RPH3A: variants seen among roughly 807,000 people sequenced by gnomAD.
The protein encoded by RPH3A is rabphilin-3A.
In RPH3A, 48 loss-of-function variants were observed where a neutral mutation model predicts 102.2. That is an observed-to-expected ratio of 0.47 (90% CI 0.37 to 0.60). The LOEUF is 0.60. Among genes scored for constraint, RPH3A ranks in the 20% least tolerant of loss-of-function variants. The pLI is 0.00. For missense variants in RPH3A, 781 were observed against 910.1 expected, an observed-to-expected ratio of 0.86 and a Z score of 1.83; for synonymous variants, 310 against 324.3, an observed-to-expected ratio of 0.96 and a Z score of 0.47.
intron 8 of RPH3A, 60 bp downstream of exon 8, chr12:112,868,655 C>T: frequency 6.5e-7 from 1 of 1,547,870 alleles, no homozygotes; most frequent in East Asian, 2.3e-5. Flanking sequence ...ACTGGTCTAC[C>T]TGAGGGATGG....
At position 112,829,654 on chromosome 12, in the gene RPH3A, A is replaced by G. The variant is rs1399775758; in HGVS notation, c.71+1265A>G. ...TGGTCATTTGAGCACCACTTTTACT[A>G]TTTTTACCTTATCTATGAAATAACA... On this transcript the variant is annotated intron_variant, in intron 3 of 21. Transcript: ENST00000389385. Among the ~76,000 whole-genome samples, 3 of 152,040 alleles carry G rather than the reference A, an allele frequency of 2.0e-5. No homozygotes were observed. The East Asian group carries it at 5.8e-4, about 29-fold the overall frequency.
chr12:112,783,880 C>G (rs185144913), intron 1 of RPH3A, among the ~76,000 whole-genome samples: 1 of 152,272 alleles, frequency 6.6e-6, no homozygotes, highest in East Asian at 1.9e-4. Flanking sequence ...TTTATACTAG[C>G]TTATTTCTAG....
chr12:112,864,863 C>A (rs904271399), intron 5 of RPH3A, among the ~76,000 whole-genome samples: 2 of 152,036 alleles, frequency 1.3e-5, no homozygotes, highest in Non-Finnish European at 2.9e-5. Context: ...CCAAAGAATT[C>A]GGTTGGGTCA....
intron 1 of RPH3A, among the ~76,000 whole-genome samples, chr12:112,614,485 A>T (rs539463930): frequency 2.0e-5 from 3 of 150,614 alleles, no homozygotes; most frequent in African/African-American, 7.3e-5. Context: ...GAAGTTTGAG[A>T]CCAGCCTGGA....
intron 1 of RPH3A, among the ~76,000 whole-genome samples, chr12:112,636,437 A>G (rs1341523064): frequency 6.6e-6 from 1 of 152,156 alleles, no homozygotes; most frequent in Non-Finnish European, 1.5e-5. Flanking sequence ...AGGCAAAATT[A>G]CCCTCCTAGT....
At chr12:112,822,204 T>G (rs1414438620) in intron 2 of RPH3A, among the ~76,000 whole-genome samples, 1 of 152,222 alleles carries the variant, frequency 6.6e-6, no homozygotes, top group Non-Finnish European at 1.5e-5. Context: ...TGTCTGGGCA[T>G]TGTCCAAACT....
At chr12:112,659,740 CATT>C (rs1452877897) in intron 1 of RPH3A, among the ~76,000 whole-genome samples, 3 of 152,108 alleles carry the variant, frequency 2.0e-5, no homozygotes, top group African/African-American at 4.8e-5. Context: ...TGTATGGACT[CATT>C]GTTGTGGATT....
chr12:112,770,406 C>T (rs773121452), intron 1 of RPH3A, among the ~76,000 whole-genome samples: 7 of 151,766 alleles, frequency 4.6e-5, no homozygotes, highest in South Asian at 2.1e-4. Flanking sequence ...AGTGCAGTGG[C>T]GAGATCTTGG....
intron 1 of RPH3A, among the ~76,000 whole-genome samples, chr12:112,685,716 C>T (rs1488748235): frequency 6.6e-6 from 1 of 152,162 alleles, no homozygotes; most frequent in Admixed American, 6.5e-5. Flanking sequence ...ACACAGTTGT[C>T]TATGCCAGCA....
chr12:112,576,514 C>T (rs141989967), intron 1 of RPH3A, among the ~76,000 whole-genome samples: 8 of 152,250 alleles, frequency 5.3e-5, no homozygotes, highest in African/African-American at 1.7e-4. Flanking sequence ...CCACCTCACC[C>T]GGCCTTAATT....
rs572664689 is a variant in RPH3A, at chr12:112,584,788, T to G, written c.-140+9469T>G. On this transcript the variant is annotated intron_variant, in intron 1 of 21. Coordinates refer to the RPH3A transcript ENST00000543106. Reference sequence around the variant, plus strand: ...GGGAGCCAATTATTGTTTGAGGCTTTGAAGTGTGCACGTGTGCAGAGGGAC... The same window carrying G: ...GGGAGCCAATTATTGTTTGAGGCTTGGAAGTGTGCACGTGTGCAGAGGGAC... Among the ~76,000 whole-genome samples, 36 of 152,206 alleles carry G rather than the reference T, an allele frequency of 2.4e-4. 1 individual carries two copies. The highest frequency in any genetic ancestry group is 1.3e-3 in the Admixed American group (20 of 15,276).
In RPH3A at chr12:112,896,569, G is replaced by C. The variant is rs1565950617; in HGVS notation, c.1955-81G>C. 2.6e-6 allele frequency: 4 copies of C among 1,562,780 alleles called. No homozygotes were observed. In the East Asian group the frequency reaches 6.8e-5, roughly 26 times the overall value. On this transcript the variant is annotated intron_variant, in intron 21 of 21. Transcript: ENST00000389385. Reference sequence around the variant, plus strand: ...TTGCTGGGGGTCACTGCTTGGTGCAGTTTTTTCCCCAACTACACATTTGGG... The same window carrying C: ...TTGCTGGGGGTCACTGCTTGGTGCACTTTTTTCCCCAACTACACATTTGGG...
intron 1 of RPH3A, among the ~76,000 whole-genome samples, chr12:112,694,576 A>G (rs1463844189): frequency 6.6e-6 from 1 of 151,978 alleles, no homozygotes; most frequent in African/African-American, 2.4e-5. Flanking sequence ...AGACAGAGAG[A>G]GAGAGAAAGG....
intron 1 of RPH3A, among the ~76,000 whole-genome samples, chr12:112,773,356 A>G (rs1488806456): frequency 1.3e-5 from 2 of 152,184 alleles, no homozygotes; most frequent in Non-Finnish European, 2.9e-5. Context: ...CTTGGTGCAG[A>G]AAAGATCCCC....
chr12:112,813,282 C>T (rs961766976), intron 2 of RPH3A: 2 of 152,170 alleles, frequency 1.3e-5, no homozygotes, highest in Non-Finnish European at 2.9e-5. Context: ...GCAGAGTTCT[C>T]CATCTACAGT....
At chr12:112,818,466 T>C (rs1391999327) in intron 2 of RPH3A, among the ~76,000 whole-genome samples, 10 of 152,088 alleles carry the variant, frequency 6.6e-5, no homozygotes, top group Admixed American at 5.9e-4. Context: ...CTTTTATCCT[T>C]TACCAGGCTT....
chr12:112,723,975 C>T (rs1377095063), intron 1 of RPH3A, among the ~76,000 whole-genome samples: 3 of 150,920 alleles, frequency 2.0e-5, no homozygotes, highest in African/African-American at 7.3e-5. Flanking sequence ...TTTATGGTAA[C>T]AAATGATAAA....
intron 7 of RPH3A, among the ~76,000 whole-genome samples, 156 bp downstream of exon 7, chr12:112,866,996 C>T (rs58255526): frequency 0.053 from 8,127 of 152,244 alleles, 418 homozygotes; most frequent in Admixed American, 0.14. Flanking sequence ...TCCTCCTCTG[C>T]TTCTGTGACT....
intron 1 of RPH3A, among the ~76,000 whole-genome samples, chr12:112,625,741 C>T (rs2039764680): frequency 9.1e-6 from 1 of 110,114 alleles, no homozygotes; most frequent in Non-Finnish European, 1.8e-5. Flanking sequence ...AAAGAGCCTG[C>T]ATCGCCAAGT....
Sources: gnomAD v4.1 joint callset for allele counts (sites outside exome capture counted in the v4.1 genomes callset) on GRCh38, gnomAD v4.1.1 for gene constraint, MANE v1.5 for transcripts, NCBI Gene and HGNC (gene_info 2026-07-23, HGNC 2026-07-21) for gene names.